ATP11A: variants seen among roughly 807,000 people sequenced by gnomAD.
ATP11A encodes ATPase phospholipid transporting 11A, also known as phospholipid-transporting ATPase IH.
In ATP11A, 81 loss-of-function variants were observed where a neutral mutation model predicts 154.4. The ratio of observed to expected loss-of-function variants is 0.52; its 90% CI spans 0.44 to 0.63. The LOEUF is 0.63. Ranked by LOEUF, ATP11A falls within the 30% of genes least tolerant of loss-of-function variation. The probability of loss-of-function intolerance (pLI) is 0.00; values close to 1 mark genes in which losing one functional copy is unlikely to be tolerated. For missense variants in ATP11A, 1,316 were observed against 1,474.3 expected (o/e 0.89, Z 1.76); for synonymous variants, 623 against 585.9 (o/e 1.06, Z -0.91).
chr13:112,881,585 C>T (rs2080886118), intron 29 of ATP11A: 12 of 1,175,722 alleles, frequency 1.0e-5, no homozygotes, highest in African/African-American at 1.6e-5. Flanking sequence ...TCTGTTGGTA[C>T]TGAAAAGGAG....
chr13:112,691,694 T>C (rs1209417642), intron 1 of ATP11A, among the ~76,000 whole-genome samples: 1 of 152,168 alleles, frequency 6.6e-6, no homozygotes, highest in Non-Finnish European at 1.5e-5. Flanking sequence ...AGGAATTACC[T>C]CAGGCAGCCT....
chr13:112,839,172 G>A (rs555392683), intron 16 of ATP11A, among the ~76,000 whole-genome samples: 2 of 152,336 alleles, frequency 1.3e-5, no homozygotes, highest in Admixed American at 1.3e-4. Flanking sequence ...CCCTTTCAAA[G>A]GCAGATGTGA....
chr13:112,707,702 CT>C (rs1887304311), intron 1 of ATP11A, among the ~76,000 whole-genome samples: 2 of 152,172 alleles, frequency 1.3e-5, no homozygotes, highest in Non-Finnish European at 2.9e-5. Flanking sequence ...GTCATCTTCT[CT>C]TATTCTACAC....
At position 112,810,627 on chromosome 13, in the gene ATP11A, A is replaced by G. The variant is rs1455927920; in HGVS notation, c.342A>G (p.Glu114=). 1.2e-6 allele frequency: 2 copies of G among 1,613,662 alleles called. No homozygotes were observed. The highest frequency in any genetic ancestry group is 1.7e-5 in the Admixed American group (1 of 60,004). The stretch of plus-strand genomic sequence containing the variant: ...TTCCTTCCTTTTTTTAGGGTTATGA[A>G]GACTGGCTTCGACATAAAGCAGACA... The part of the protein sequence containing the change: ...ITVTAIKQGY[E]DWLRHKADNA... Residue 114 remains glutamate (E), a synonymous_variant, in exon 5 of 30, where the codon GAA becomes GAG. Coordinates refer to ENST00000375645, the MANE Select transcript of ATP11A (RefSeq NM_015205.3).
chr13:112,855,947 C>A lies in ATP11A; in HGVS notation c.2280C>A (p.Ile760=). The change falls in exon 20 of 30, where the codon ATC becomes ATA. Residue 760 remains isoleucine, a synonymous_variant. Coordinates refer to ENST00000375645, the MANE Select transcript of ATP11A (RefSeq NM_015205.3). ...SADMQDYGLI[I]DGAALSLIMK... is the part of the protein sequence containing the mutation. ...ATATGCAGGACTACGGTTTAATTAT[C>A]GACGGAGCTGCACTGTCTCTGATAA... 6.2e-7 allele frequency: 1 copy of A among 1,613,906 alleles called. No individual in the cohort carries two copies. Among genetic ancestry groups the A allele is most frequent in the South Asian group, 1.1e-5 (1 of 91,046 alleles).
intron 1 of ATP11A, among the ~76,000 whole-genome samples, chr13:112,705,899 A>G (rs1429096101): frequency 6.6e-6 from 1 of 152,344 alleles, no homozygotes; most frequent in East Asian, 1.9e-4. Flanking sequence ...CAAAACATAC[A>G]TAAACTTTAC....
At chr13:112,863,989 T>A (rs1490556451) in intron 25 of ATP11A, among the ~76,000 whole-genome samples, 1 of 73,182 alleles carries the variant, frequency 1.4e-5, no homozygotes, top group South Asian at 5.1e-4. Flanking sequence ...CCCAGCGGGG[T>A]CCATCACCAC....
In ATP11A at chr13:112,875,315, C is replaced by T. The variant is rs1380038820; in HGVS notation, c.3162-461C>T. 6.6e-6 allele frequency among the ~76,000 whole-genome samples: 1 copy of T among 152,200 alleles called. No individual in the cohort carries two copies. The highest frequency in any genetic ancestry group is 1.5e-5 in the Non-Finnish European group (1 of 68,038). On this transcript the variant is annotated intron_variant, in intron 27 of 29. Transcript: ENST00000375645. This position sits in a 1 kb window ranked among gnomAD's most constrained non-coding sequence, Gnocchi z 4.1. ...GCTGGCTGCGGGTCACTGGTCCCTG[C>T]ATCCTTGCCAGCCTCCCTCATGGAG...
chr13:112,764,878 G>A (rs943973010), intron 1 of ATP11A, among the ~76,000 whole-genome samples: 1 of 152,172 alleles, frequency 6.6e-6, no homozygotes, highest in African/African-American at 2.4e-5. Flanking sequence ...CTCTGACCAT[G>A]AGCCAACCTC....
intron 1 of ATP11A, among the ~76,000 whole-genome samples, chr13:112,693,547 G>A (rs965794866): frequency 1.3e-5 from 2 of 151,980 alleles, no homozygotes; most frequent in African/African-American, 4.8e-5. Flanking sequence ...CGTGTGTGCC[G>A]TGGACTGGCG....
At chr13:112,808,106 G>T (rs903122006) in intron 4 of ATP11A, among the ~76,000 whole-genome samples, 1 of 151,968 alleles carries the variant, frequency 6.6e-6, no homozygotes, top group Non-Finnish European at 1.5e-5. Context: ...GGGAGCCCGA[G>T]CCCCCATGGA....
intron 1 of ATP11A, among the ~76,000 whole-genome samples, chr13:112,737,836 G>A (rs1467289527): frequency 1.3e-5 from 2 of 152,150 alleles, no homozygotes; most frequent in East Asian, 3.9e-4. Context: ...TGCTACAGCG[G>A]TCAGCCTGGT....
chr13:112,766,780 T>G, intron 1 of ATP11A, among the ~76,000 whole-genome samples: 1 of 142,010 alleles, frequency 7.0e-6, no homozygotes. Flanking sequence ...CATGGATTCC[T>G]GTGAGGAGGA....
intron 18 of ATP11A, among the ~76,000 whole-genome samples, chr13:112,853,562 G>A (rs1313673934): frequency 6.6e-6 from 1 of 152,214 alleles, no homozygotes; most frequent in African/African-American, 2.4e-5. Context: ...CTCCCAAGGA[G>A]AGGGCAGTGG....
At chr13:112,730,490 C>G (rs1890372401) in intron 1 of ATP11A, among the ~76,000 whole-genome samples, 1 of 152,232 alleles carries the variant, frequency 6.6e-6, no homozygotes, top group Admixed American at 6.5e-5. Context: ...GCGTGAATAA[C>G]TCCTGACACA....
intron 1 of ATP11A, among the ~76,000 whole-genome samples, chr13:112,775,281 C>T (rs188160392): frequency 6.6e-6 from 1 of 152,350 alleles, no homozygotes; most frequent in African/African-American, 2.4e-5. Flanking sequence ...CCGAAAACAG[C>T]GCCCCTCTCT....
Position 112,810,710 on chromosome 13 carries a change from A to G in ATP11A, c.425A>G (p.Gln142Arg). The G allele has an allele frequency of 6.2e-7, 1 of 1,614,146 alleles. No homozygotes were observed. Among genetic ancestry groups the G allele is most frequent in the Non-Finnish European group, 8.5e-7 (1 of 1,179,976 alleles). The part of the protein sequence containing the change: ...FIQHGKLVRK[Q>R]SRKLRVGDIV... ...CAGCACGGCAAGCTCGTTCGGAAAC[A>G]AAGTCGAAAGCTGCGAGTAAGTGAC... is the stretch of plus-strand genomic sequence containing the variant. The change falls in exon 5 of 30, where the codon CAA becomes CGA. Residue 142 changes from glutamine to arginine, a missense_variant. Transcript: ENST00000375645.
chr13:112,841,324 G>A (rs1238042183), intron 16 of ATP11A, among the ~76,000 whole-genome samples: 1 of 140,380 alleles, frequency 7.1e-6, no homozygotes, highest in African/African-American at 2.7e-5. Context: ...GTGGCTTCGC[G>A]GACCAGGGAT....
chr13:112,716,503 G>A (rs534693797), intron 1 of ATP11A, among the ~76,000 whole-genome samples: 6 of 152,300 alleles, frequency 3.9e-5, no homozygotes, highest in East Asian at 3.9e-4. Context: ...CATCCCCTCC[G>A]CCTCTGGGAG....
Sources: allele counts gnomAD v4.1 joint callset (sites outside exome capture counted in the v4.1 genomes callset), GRCh38; gene constraint gnomAD v4.1.1; non-coding constraint Gnocchi (gnomAD v3.1); transcripts MANE v1.5; gene names NCBI Gene and HGNC (gene_info 2026-07-23, HGNC 2026-07-21).